Variants in CLEC19A observed in about 807,000 individuals in gnomAD.
CLEC19A encodes C-type lectin domain family 19 member A.
A neutral mutation model predicts 26.1 loss-of-function variants in CLEC19A; 21 were observed. That is an observed-to-expected ratio of 0.80 (90% CI 0.57 to 1.16). The LOEUF is 1.16. Ranked by LOEUF, CLEC19A falls within the 50% of genes most tolerant of loss-of-function variation. CLEC19A has a pLI of 0.00. For synonymous variants in CLEC19A, 89 were observed against 88.6 expected (o/e 1.00, Z -0.03); for missense variants, 224 against 227.6 (o/e 0.98, Z 0.10).
chr16:19,309,131 A>T lies in CLEC19A; in HGVS notation c.*48A>T. 1 of 1,352,610 alleles carries T rather than the reference A, an allele frequency of 7.4e-7. No homozygotes were observed. Among genetic ancestry groups the T allele is most frequent in the Non-Finnish European group, 1.0e-6 (1 of 968,252 alleles). The allele number at this position is 1,352,610 out of a possible 1,614,324, so 83.8% of individuals were successfully genotyped here. A position where few individuals can be genotyped will look rare whatever the true frequency, so the allele number is the denominator to read the frequency against. The stretch of plus-strand genomic sequence containing the variant: ...GAGCTCAACTCTAGTATCATCTTGT[A>T]GCTGTAACCAGTGTAGAATTGACAT... On this transcript the variant is annotated 3_prime_UTR_variant, in exon 5 of 5. Coordinates refer to ENST00000636231, the MANE Select transcript of CLEC19A (RefSeq NM_001256720.2).
intron 3 of CLEC19A, chr16:19,305,184 G>C (rs1314848069): frequency 6.6e-6 from 1 of 152,272 alleles, no homozygotes; most frequent in Non-Finnish European, 1.5e-5. Flanking sequence ...AGGCGATCTG[G>C]GTAATGTACT....
chr16:19,298,708 C>G lies in CLEC19A; in HGVS notation c.124C>G (p.Leu42Val). 1 of 1,551,222 alleles carries G rather than the reference C, an allele frequency of 6.4e-7. No homozygotes were observed. Among genetic ancestry groups the G allele is most frequent in the Non-Finnish European group, 8.7e-7 (1 of 1,147,126 alleles). ...PELPLPSLCP[L>V]FWMEFKGHCY... Reference sequence around the variant, plus strand: ...GCTGCCCCTGCCTTCCCTGTGCCCCCTGTTCTGGATGGAGTTCAAAGGCCA... The same window carrying G: ...GCTGCCCCTGCCTTCCCTGTGCCCCGTGTTCTGGATGGAGTTCAAAGGCCA... Residue 42 changes from leucine (L) to valine (V), a missense_variant, in exon 2 of 5, where the codon CTG (leucine) becomes GTG (valine). Coordinates refer to ENST00000636231, the MANE Select transcript of CLEC19A (RefSeq NM_001256720.2).
At chr16:19,300,693 C>A (rs563930918) in intron 2 of CLEC19A, among the ~76,000 whole-genome samples, 16 of 152,206 alleles carry the variant, frequency 1.1e-4, no homozygotes, top group African/African-American at 3.9e-4. Flanking sequence ...AGTCAGGGTC[C>A]AACCAGGAAA....
At chr16:19,305,223 A>G (rs1475253400) in intron 3 of CLEC19A, 1 of 152,280 alleles carries the variant, frequency 6.6e-6, no homozygotes, top group African/African-American at 2.4e-5. Context: ...CTCCTTAGTA[A>G]GAGATATTTA....
chr16:19,295,960 T>C (rs1448360965), intron 1 of CLEC19A, among the ~76,000 whole-genome samples: 2 of 152,070 alleles, frequency 1.3e-5, no homozygotes, highest in Admixed American at 6.5e-5. Flanking sequence ...AGACCAATGC[T>C]CTCCATCAAG....
At position 19,309,291 on chromosome 16, in the gene CLEC19A, T is replaced by G; in HGVS notation, c.*208T>G. The G allele has an allele frequency of 2.0e-6, 1 of 488,344 alleles. No individual in the cohort carries two copies. Among genetic ancestry groups the G allele is most frequent in the Non-Finnish European group, 3.6e-6 (1 of 277,694 alleles). 30.3% of individuals were successfully genotyped at this position (488,344 alleles called of 1,614,324 possible). ...CTCAAATTGGCTTAATTTTTTAAAG[T>G]GTTTTTTTTTTTAAATTGACCCAAG... is the stretch of plus-strand genomic sequence containing the variant. On this transcript the variant is annotated 3_prime_UTR_variant, in exon 5 of 5. Coordinates refer to ENST00000636231, the MANE Select transcript of CLEC19A (RefSeq NM_001256720.2).
At position 19,303,937 on chromosome 16, in the gene CLEC19A, G is replaced by A. The variant is rs112499211; in HGVS notation, c.255-125G>A. On this transcript the variant is annotated intron_variant, in intron 2 of 4. Transcript: ENST00000636231. ...GGTGACTTAATGAAAAATGGAGGCCGAATTGGATCATATCCTCTATTTACT... is the reference window on the plus strand; with the variant it reads ...GGTGACTTAATGAAAAATGGAGGCCAAATTGGATCATATCCTCTATTTACT... 1.7e-3 allele frequency: 1,283 copies of A among 751,356 alleles called. 14 individuals carry two copies. In the African/African-American group the frequency reaches 0.02, roughly 12 times the overall value. The allele number at this position is 751,356 out of a possible 1,614,324, so 46.5% of individuals were successfully genotyped here. A position where few individuals can be genotyped will look rare whatever the true frequency, so the allele number is the denominator to read the frequency against.
At chr16:19,300,534 C>T (rs1300727370) in intron 2 of CLEC19A, among the ~76,000 whole-genome samples, 3 of 139,444 alleles carry the variant, frequency 2.2e-5, no homozygotes, top group Non-Finnish European at 3.0e-5. Flanking sequence ...GGTGACAGAG[C>T]GAGATCCTAT....
chr16:19,300,816 T>C (rs2143010253), intron 2 of CLEC19A, among the ~76,000 whole-genome samples: 1 of 152,190 alleles, frequency 6.6e-6, no homozygotes, highest in Middle Eastern at 3.4e-3. Context: ...GAAAGCCAAT[T>C]CCATGCCTGA....
At chr16:19,287,021 CT>C (rs550913735) in intron 1 of CLEC19A, among the ~76,000 whole-genome samples, 1,265 of 123,112 alleles carry the variant, frequency 0.01, 8 homozygotes, top group African/African-American at 0.032. Context: ...AGGTATCCTT[CT>C]TTTTTTTTTT....
rs1387616780 is a variant in CLEC19A at position 19,310,205 on chromosome 16, A to G, written c.*1122A>G. The G allele has an allele frequency of 6.6e-6, 1 of 151,998 alleles. No individual in the cohort carries two copies. Among genetic ancestry groups the G allele is most frequent in the Non-Finnish European group, 1.5e-5 (1 of 68,010 alleles). 9.4% of individuals were successfully genotyped at this position (151,998 alleles called of 1,614,324 possible). Reference sequence around the variant, plus strand: ...AGTGGTCGGCCAGGTGTAGTGGCTCATGCCTGTAATCCCAGCACTTTGGGA... The same window carrying G: ...AGTGGTCGGCCAGGTGTAGTGGCTCGTGCCTGTAATCCCAGCACTTTGGGA... On this transcript the variant is annotated 3_prime_UTR_variant, in exon 5 of 5. Transcript: ENST00000636231.
intron 2 of CLEC19A, among the ~76,000 whole-genome samples, chr16:19,301,777 G>C (rs1357157590): frequency 2.9e-5 from 2 of 67,892 alleles, no homozygotes; most frequent in African/African-American, 9.6e-5. Flanking sequence ...ATTTTTAGCA[G>C]AGACGGAGTT....
At position 19,292,910 on chromosome 16, in the gene CLEC19A, T is replaced by C. The variant is rs552591047; in HGVS notation, c.89-5763T>C. Among the ~76,000 whole-genome samples, 5 of 151,900 alleles carry C rather than the reference T, an allele frequency of 3.3e-5. No individual in the cohort carries two copies. In the South Asian group the frequency reaches 1.0e-3, roughly 32 times the overall value. On this transcript the variant is annotated intron_variant, in intron 1 of 4. Transcript: ENST00000636231. ...AAAGGCAAAGGGAACACCTGTGAGG[T>C]TTCAGGGAAATGAGGTCAGGCTGTT...
chr16:19,298,733 A>T lies in CLEC19A; in HGVS notation c.149A>T (p.His50Leu), dbSNP rs1215073090. 1 of 1,550,886 alleles carries T rather than the reference A, an allele frequency of 6.4e-7. No homozygotes were observed. The highest frequency in any genetic ancestry group is 8.7e-7 in the Non-Finnish European group (1 of 1,147,080). The change falls in exon 2 of 5, where the codon CAC becomes CTC. Residue 50 changes from histidine (H) to leucine (L), a missense_variant. Coordinates refer to ENST00000636231, the MANE Select transcript of CLEC19A (RefSeq NM_001256720.2). ...CPLFWMEFKGHCYRFFPLNKT... is the reference protein window; with the variant it reads ...CPLFWMEFKGLCYRFFPLNKT... ...CTGTTCTGGATGGAGTTCAAAGGCC[A>T]CTGCTATCGATTCTTCCCTCTCAAT...
chr16:19,288,293 G>A (rs562460928), intron 1 of CLEC19A, among the ~76,000 whole-genome samples: 13 of 152,298 alleles, frequency 8.5e-5, no homozygotes, highest in Admixed American at 2.0e-4. Flanking sequence ...ATATGGGCAG[G>A]AGCGTGTGTG....
intron 2 of CLEC19A, among the ~76,000 whole-genome samples, chr16:19,299,628 G>A (rs543815526): frequency 6.6e-6 from 1 of 152,212 alleles, no homozygotes; most frequent in South Asian, 2.1e-4. Flanking sequence ...TTCTCCTCCA[G>A]GTAAATACCT....
intron 4 of CLEC19A, 103 bp downstream of exon 4, chr16:19,307,780 TG>T: frequency 6.9e-7 from 1 of 1,447,490 alleles, no homozygotes; most frequent in East Asian, 2.5e-5. Flanking sequence ...CCTGATGGCC[TG>T]AGACTGGCAA....
chr16:19,305,965 T>G (rs1387714974), intron 3 of CLEC19A, among the ~76,000 whole-genome samples: 2 of 152,028 alleles, frequency 1.3e-5, no homozygotes, highest in Non-Finnish European at 2.9e-5. Flanking sequence ...CGCCTCAGCC[T>G]CCCAAGTAGC....
At chr16:19,286,753 G>A (rs975920243) in intron 1 of CLEC19A, among the ~76,000 whole-genome samples, 1 of 152,220 alleles carries the variant, frequency 6.6e-6, no homozygotes, top group Admixed American at 6.5e-5. Context: ...CATAGCAGTG[G>A]CAGAGATATC....
Sources: gnomAD v4.1 joint callset for allele counts (sites outside exome capture counted in the v4.1 genomes callset) on GRCh38, gnomAD v4.1.1 for gene constraint, MANE v1.5 for transcripts, NCBI Gene and HGNC (gene_info 2026-07-23, HGNC 2026-07-21) for gene names.